PDE1A: variants seen among roughly 807,000 people sequenced by gnomAD.
PDE1A encodes phosphodiesterase 1A.
A neutral mutation model predicts 61.7 loss-of-function variants in PDE1A; 35 were observed. The ratio of observed to expected loss-of-function variants is 0.57; its 90% CI spans 0.43 to 0.75. The LOEUF is 0.75. Among genes scored for constraint, PDE1A ranks in the 30% least tolerant of loss-of-function variants. The pLI is 0.00. For synonymous variants in PDE1A, 232 were observed against 213.2 expected (o/e 1.09, Z -0.77); for missense variants, 597 against 630.6 (o/e 0.95, Z 0.57).
intron 1 of PDE1A, among the ~76,000 whole-genome samples, chr2:182,273,355 A>T (rs1693170772): frequency 6.6e-6 from 1 of 152,004 alleles, no homozygotes; most frequent in South Asian, 2.1e-4. Flanking sequence ...CTTGAATTTA[A>T]AAGGTTTTGA....
chr2:182,268,805 A>T (rs1215861358), intron 1 of PDE1A, among the ~76,000 whole-genome samples: 1 of 152,042 alleles, frequency 6.6e-6, no homozygotes, highest in Non-Finnish European at 1.5e-5. Flanking sequence ...ATGCCTGTTC[A>T]TTGTGATCAC....
the PDE1A span, among the ~76,000 whole-genome samples, chr2:182,533,718 A>C: frequency 6.6e-6 from 1 of 152,178 alleles, no homozygotes; most frequent in African/African-American, 2.4e-5. Flanking sequence ...CTTAAAAATT[A>C]GGAGGAGAGG....
At chr2:182,357,015 AC>A (rs1266172204) in intron 1 of PDE1A, among the ~76,000 whole-genome samples, 1 of 151,984 alleles carries the variant, frequency 6.6e-6, no homozygotes, top group Non-Finnish European at 1.5e-5. Context: ...GGAACATCAC[AC>A]ACCGGGACCT....
chr2:182,691,404 A>C, the PDE1A span, among the ~76,000 whole-genome samples: 1 of 152,240 alleles, frequency 6.6e-6, no homozygotes, highest in Non-Finnish European at 1.5e-5. Context: ...ATCTTTGACA[A>C]ACCTGACAAA....
chr2:182,144,225 TG>T (rs1690376614), downstream of PDE1A, among the ~76,000 whole-genome samples: 1 of 152,170 alleles, frequency 6.6e-6, no homozygotes. Flanking sequence ...TTCCTCCCAG[TG>T]GGTAACAGGT....
At chr2:182,306,698 A>G (rs1426082921) in intron 1 of PDE1A, among the ~76,000 whole-genome samples, 1 of 152,196 alleles carries the variant, frequency 6.6e-6, no homozygotes, top group Non-Finnish European at 1.5e-5. Context: ...TGAAAGTGCA[A>G]GAATACAATG....
At chr2:182,487,999 GT>G (rs1434066223) in intron 2 of PDE1A, among the ~76,000 whole-genome samples, 2 of 152,108 alleles carry the variant, frequency 1.3e-5, no homozygotes, top group Admixed American at 6.5e-5. Flanking sequence ...ACTGTTTATA[GT>G]TTTCTTTTAT....
intron 2 of PDE1A, among the ~76,000 whole-genome samples, chr2:182,492,276 G>A (rs1040939733): frequency 6.6e-5 from 10 of 152,046 alleles, no homozygotes; most frequent in African/African-American, 2.4e-4. Flanking sequence ...GATTATTTGT[G>A]TCAAAGTCTA....
At chr2:182,278,769 T>C (rs568411009) in intron 1 of PDE1A, among the ~76,000 whole-genome samples, 4 of 152,134 alleles carry the variant, frequency 2.6e-5, no homozygotes, top group South Asian at 2.1e-4. Flanking sequence ...CTGTTCTCTA[T>C]AGTAGCCCAG....
chr2:182,147,927 CT>C (rs1202714169), intron 13 of PDE1A, among the ~76,000 whole-genome samples: 11 of 152,178 alleles, frequency 7.2e-5, no homozygotes, highest in African/African-American at 2.6e-4. Context: ...GTTATAATTC[CT>C]TTAACATATA....
At chr2:182,409,050 T>C (rs1330093262) in intron 1 of PDE1A, among the ~76,000 whole-genome samples, 2 of 152,214 alleles carry the variant, frequency 1.3e-5, no homozygotes, top group African/African-American at 4.8e-5. Flanking sequence ...TATTGGTCAC[T>C]TCCTGCTCCG....
chr2:182,420,123 G>A (rs1703182863), intron 1 of PDE1A, among the ~76,000 whole-genome samples: 1 of 152,070 alleles, frequency 6.6e-6, no homozygotes, highest in Non-Finnish European at 1.5e-5. Flanking sequence ...TGTGCTGTTA[G>A]AAATAATAAT....
chr2:182,560,620 A>T, the PDE1A span, among the ~76,000 whole-genome samples: 1 of 152,070 alleles, frequency 6.6e-6, no homozygotes, highest in Non-Finnish European at 1.5e-5. Context: ...CTAGTTCTAG[A>T]TCCCTGAGGA....
the PDE1A span, among the ~76,000 whole-genome samples, chr2:182,529,551 G>C: frequency 6.6e-6 from 1 of 152,198 alleles, no homozygotes. Flanking sequence ...TTGGGGGACT[G>C]TTGAGAAGGC....
chr2:182,569,638 C>G, the PDE1A span, among the ~76,000 whole-genome samples: 22 of 152,170 alleles, frequency 1.4e-4, no homozygotes, highest in African/African-American at 4.6e-4. Flanking sequence ...TTTGATTAAC[C>G]TGGTTTCAAA....
the PDE1A span, among the ~76,000 whole-genome samples, chr2:182,693,941 C>T: frequency 6.6e-6 from 1 of 152,182 alleles, no homozygotes; most frequent in Non-Finnish European, 1.5e-5. Flanking sequence ...GCCACTGCAC[C>T]TGGCCTCTTG....
At chr2:182,618,589 T>A in the PDE1A span, among the ~76,000 whole-genome samples, 5 of 152,052 alleles carry the variant, frequency 3.3e-5, no homozygotes, top group Non-Finnish European at 7.4e-5. Context: ...AAAGAATAGA[T>A]GTACATGAGA....
chr2:182,410,691 T>A (rs1338273713), intron 1 of PDE1A, among the ~76,000 whole-genome samples: 2 of 152,232 alleles, frequency 1.3e-5, no homozygotes, highest in Non-Finnish European at 2.9e-5. Context: ...TGTAGAATAA[T>A]AAAACTTGGA....
chr2:182,354,635 C>T (rs1021065165), intron 1 of PDE1A, among the ~76,000 whole-genome samples: 1 of 151,972 alleles, frequency 6.6e-6, no homozygotes, highest in Non-Finnish European at 1.5e-5. Flanking sequence ...TGAGAAAAGA[C>T]CTATTTGTGA....
Sources: allele counts gnomAD v4.1 joint callset (sites outside exome capture counted in the v4.1 genomes callset), GRCh38; gene constraint gnomAD v4.1.1; transcripts MANE v1.5; gene names NCBI Gene and HGNC (gene_info 2026-07-23, HGNC 2026-07-21).